TAOK3: variants seen among roughly 807,000 people sequenced by gnomAD.
The protein encoded by TAOK3 is serine/threonine-protein kinase TAO3.
TAOK3 carries 40 observed loss-of-function variants against 120.4 expected under a neutral mutation model. That is an observed-to-expected ratio of 0.33 (90% CI 0.26 to 0.43). TAOK3 has a LOEUF of 0.43. Among genes scored for constraint, TAOK3 ranks in the 20% least tolerant of loss-of-function variants. The probability of loss-of-function intolerance (pLI) is 1.00; values close to 1 mark genes in which losing one functional copy is unlikely to be tolerated. For missense variants in TAOK3, 821 were observed against 1,112.1 expected, an observed-to-expected ratio of 0.74 and a Z score of 3.72; for synonymous variants, 355 against 387.5, an observed-to-expected ratio of 0.92 and a Z score of 0.99.
chr12:118,352,203 T>A (rs1224124214), intron 1 of TAOK3, among the ~76,000 whole-genome samples: 3 of 152,050 alleles, frequency 2.0e-5, no homozygotes, highest in Non-Finnish European at 4.4e-5. Flanking sequence ...GGAAAGCTGT[T>A]ATTATCAAAA....
At chr12:118,224,276 G>C (rs2039396608) in intron 9 of TAOK3, among the ~76,000 whole-genome samples, 1 of 152,166 alleles carries the variant, frequency 6.6e-6, no homozygotes, top group South Asian at 2.1e-4. Flanking sequence ...AAGGTAGATA[G>C]CACTAGAATT....
At chr12:118,167,246 A>T (rs1181230330) in intron 17 of TAOK3, among the ~76,000 whole-genome samples, 1 of 152,122 alleles carries the variant, frequency 6.6e-6, no homozygotes, top group Non-Finnish European at 1.5e-5. Flanking sequence ...TCAATCCTTT[A>T]GGCAAAGACA....
At chr12:118,232,758 A>T (rs1177945117) in intron 9 of TAOK3, among the ~76,000 whole-genome samples, 1 of 152,108 alleles carries the variant, frequency 6.6e-6, no homozygotes, top group Non-Finnish European at 1.5e-5. Flanking sequence ...TACAAAAATT[A>T]GCCAGCCTTG....
chr12:118,302,193 TA>T (rs2042907643), intron 1 of TAOK3, among the ~76,000 whole-genome samples: 5 of 152,196 alleles, frequency 3.3e-5, no homozygotes, highest in Admixed American at 3.3e-4. Context: ...ATCCACACCT[TA>T]CTGACCACAT....
intron 1 of TAOK3, among the ~76,000 whole-genome samples, chr12:118,355,982 T>C (rs1054520927): frequency 1.3e-5 from 2 of 152,162 alleles, no homozygotes; most frequent in Non-Finnish European, 2.9e-5. Flanking sequence ...CATTAAACTA[T>C]CCTGCCAATC....
chr12:118,232,201 A>C (rs1390073118), intron 9 of TAOK3, among the ~76,000 whole-genome samples: 1 of 152,218 alleles, frequency 6.6e-6, no homozygotes, highest in Non-Finnish European at 1.5e-5. Context: ...GATTTGTTAA[A>C]TTTACCAGTA....
At chr12:118,266,279 G>C (rs1483271514) in intron 2 of TAOK3, among the ~76,000 whole-genome samples, 1 of 151,940 alleles carries the variant, frequency 6.6e-6, no homozygotes, top group Non-Finnish European at 1.5e-5. Context: ...CGCAACCTCT[G>C]CCTCCTGGGT....
intron 1 of TAOK3, among the ~76,000 whole-genome samples, chr12:118,346,351 CAG>C: frequency 6.6e-6 from 1 of 152,264 alleles, no homozygotes; most frequent in South Asian, 2.1e-4. Flanking sequence ...CATCTTAAAA[CAG>C]GGAAATTATA....
intron 15 of TAOK3, among the ~76,000 whole-genome samples, chr12:118,178,640 T>C (rs188482676): frequency 2.6e-5 from 4 of 152,252 alleles, no homozygotes; most frequent in Admixed American, 2.6e-4. Context: ...GTATTTTTAG[T>C]AGAGACAGGG....
intron 11 of TAOK3, among the ~76,000 whole-genome samples, chr12:118,202,140 T>A (rs2038054582): frequency 6.7e-6 from 1 of 149,144 alleles, no homozygotes; most frequent in Non-Finnish European, 1.5e-5. Context: ...AGACTATATA[T>A]AAAATAAATA....
chr12:118,246,881 T>C (rs2040538690), intron 3 of TAOK3: 1 of 1,288,368 alleles, frequency 7.8e-7, no homozygotes, highest in African/African-American at 1.5e-5. Context: ...AGTCTCCCTA[T>C]CAGGAATTCA....
chr12:118,166,171 T>C (rs1046965882), intron 17 of TAOK3, among the ~76,000 whole-genome samples: 1 of 152,198 alleles, frequency 6.6e-6, no homozygotes, highest in African/African-American at 2.4e-5. Flanking sequence ...AACATAAAGT[T>C]ACACAACTTC....
At chr12:118,164,159 T>C (rs1347889748) in intron 17 of TAOK3, among the ~76,000 whole-genome samples, 1 of 150,380 alleles carries the variant, frequency 6.6e-6, no homozygotes, top group Non-Finnish European at 1.5e-5. Context: ...CGTCTCCACT[T>C]AAAAATACAA....
intron 17 of TAOK3, among the ~76,000 whole-genome samples, chr12:118,168,946 AGCTT>A (rs973342168): frequency 6.6e-6 from 1 of 150,388 alleles, no homozygotes; most frequent in Non-Finnish European, 1.5e-5. Context: ...GTACTGAATC[AGCTT>A]GCTTGCTTTC....
intron 11 of TAOK3, among the ~76,000 whole-genome samples, chr12:118,206,188 A>G (rs1738302663): frequency 6.6e-6 from 1 of 152,234 alleles, no homozygotes; most frequent in African/African-American, 2.4e-5. Context: ...TATGACAAAG[A>G]CAATAAAAGC....
intron 15 of TAOK3, among the ~76,000 whole-genome samples, chr12:118,178,215 G>C (rs1408694686): frequency 6.6e-6 from 1 of 152,220 alleles, no homozygotes; most frequent in Non-Finnish European, 1.5e-5. Flanking sequence ...GCTTCCCAAA[G>C]TGCTGAGACT....
intron 13 of TAOK3, among the ~76,000 whole-genome samples, chr12:118,195,055 G>T (rs899066373): frequency 2.0e-5 from 3 of 151,904 alleles, no homozygotes; most frequent in African/African-American, 7.3e-5. Context: ...CCAGTAGAAT[G>T]ACTTTTTTAA....
Position 118,181,389 on chromosome 12 carries a change from C to G in TAOK3, c.1548G>C (p.Val516=), listed in dbSNP as rs192359450. ...IELEKLAKKQ[V]AIIEKEAKVA... Reference sequence around the variant, plus strand: ...TACTGACCTCCTTTTCTATGATAGCCACTTGCTTCTTGGCCAGCTTCTCCA... The same window carrying G: ...TACTGACCTCCTTTTCTATGATAGCGACTTGCTTCTTGGCCAGCTTCTCCA... The change falls in exon 15 of 21, where the codon GTG becomes GTC. Residue 516 remains valine, a synonymous_variant. Coordinates refer to ENST00000392533, the MANE Select transcript of TAOK3 (RefSeq NM_016281.4). 6.2e-7 allele frequency: 1 copy of G among 1,613,936 alleles called. No homozygotes were observed. Among genetic ancestry groups the G allele is most frequent in the South Asian group, 1.1e-5 (1 of 91,048 alleles).
At chr12:118,368,699 G>T (rs1593723009) in intron 1 of TAOK3, among the ~76,000 whole-genome samples, 1 of 150,652 alleles carries the variant, frequency 6.6e-6, no homozygotes, top group Admixed American at 6.6e-5. Context: ...CCAGCTACCC[G>T]GGAGGCTGAG....
Sources: gnomAD v4.1 joint callset for allele counts (sites outside exome capture counted in the v4.1 genomes callset) on GRCh38, gnomAD v4.1.1 for gene constraint, MANE v1.5 for transcripts, NCBI Gene and HGNC (gene_info 2026-07-23, HGNC 2026-07-21) for gene names.